CADM2: variants seen among roughly 807,000 people sequenced by gnomAD.
The protein encoded by CADM2 is cell adhesion molecule 2, also known as immunoglobulin superfamily member 4D.
Under a neutral mutation model 49.8 loss-of-function variants are expected in CADM2, and 12 were observed. The ratio of observed to expected loss-of-function variants is 0.24; its 90% CI spans 0.15 to 0.39. The LOEUF is 0.39. Among genes scored for constraint, CADM2 ranks in the 10% least tolerant of loss-of-function variants. The pLI, the probability that CADM2 is intolerant of heterozygous loss-of-function variation, is 1.00. For synonymous variants in CADM2, 214 were observed against 175.4 expected, an observed-to-expected ratio of 1.22 and a Z score of -1.74; for missense variants, 378 against 492.3, an observed-to-expected ratio of 0.77 and a Z score of 2.20.
chr3:85,922,171 CCTCTTTCCCCTTCTTT>C (rs1319001280), intron 6 of CADM2, among the ~76,000 whole-genome samples: 1 of 151,550 alleles, frequency 6.6e-6, no homozygotes, highest in African/African-American at 2.4e-5. Flanking sequence ...CTCCTTTCTT[CCTCTTTCCCCTTCTTT>C]CTCTTTCCTT....
intron 3 of CADM2, among the ~76,000 whole-genome samples, chr3:85,855,992 G>T (rs537173354): frequency 6.6e-6 from 1 of 152,088 alleles, no homozygotes; most frequent in Non-Finnish European, 1.5e-5. Flanking sequence ...AATCAATGCA[G>T]CATTGCATTA....
intron 1 of CADM2, among the ~76,000 whole-genome samples, chr3:85,459,757 C>A (rs903929250): frequency 2.0e-5 from 3 of 152,100 alleles, no homozygotes; most frequent in Non-Finnish European, 1.5e-5. Flanking sequence ...CATGGCTTGC[C>A]TTTTGAAGCG....
chr3:85,778,351 T>C (rs1334802605), intron 2 of CADM2, among the ~76,000 whole-genome samples: 1 of 152,150 alleles, frequency 6.6e-6, no homozygotes, highest in Admixed American at 6.5e-5. Context: ...ATAACTTACA[T>C]GGTTTGGCTC....
At chr3:85,971,594 T>G (rs1559775071) in intron 8 of CADM2, among the ~76,000 whole-genome samples, 1 of 151,738 alleles carries the variant, frequency 6.6e-6, no homozygotes, top group Non-Finnish European at 1.5e-5. Flanking sequence ...TCACAGAACT[T>G]AAAGTATTGG....
chr3:85,710,448 T>C (rs2067084298), intron 1 of CADM2, among the ~76,000 whole-genome samples: 1 of 152,184 alleles, frequency 6.6e-6, no homozygotes, highest in Non-Finnish European at 1.5e-5. Flanking sequence ...TAATTTATAG[T>C]GCATGTTAAA....
intron 1 of CADM2, among the ~76,000 whole-genome samples, chr3:85,630,054 C>A (rs577582871): frequency 4.0e-5 from 6 of 151,886 alleles, no homozygotes; most frequent in Non-Finnish European, 8.8e-5. Flanking sequence ...GGTAGTAAAA[C>A]AGGTGTAATA....
chr3:85,321,789 G>C (rs1359368178), intron 1 of CADM2, among the ~76,000 whole-genome samples: 1 of 152,068 alleles, frequency 6.6e-6, no homozygotes, highest in Non-Finnish European at 1.5e-5. Context: ...CAGATTAATA[G>C]GCACTAAATA....
chr3:85,158,949 A>G (rs917552659), intron 1 of CADM2, among the ~76,000 whole-genome samples: 18 of 152,110 alleles, frequency 1.2e-4, no homozygotes, highest in African/African-American at 3.9e-4. Context: ...TTGCATATAT[A>G]TGTTGACGTC....
intron 8 of CADM2, among the ~76,000 whole-genome samples, chr3:86,024,503 T>A (rs6804056): frequency 0.098 from 14,861 of 152,200 alleles, 1,695 homozygotes; most frequent in African/African-American, 0.27. Context: ...GTTGAAATTA[T>A]CTCAGGCCTG....
chr3:85,854,406 A>G (rs560716630), intron 3 of CADM2, among the ~76,000 whole-genome samples: 18 of 152,306 alleles, frequency 1.2e-4, no homozygotes, highest in African/African-American at 4.3e-4. Flanking sequence ...TAGACTGGAT[A>G]AAGAAAATGT....
intron 1 of CADM2, among the ~76,000 whole-genome samples, chr3:85,552,962 C>CCT (rs1208830499): frequency 6.6e-6 from 1 of 152,124 alleles, no homozygotes; most frequent in African/African-American, 2.4e-5. Context: ...CAGGTGTGAG[C>CCT]CTCCAGTCCT....
intron 1 of CADM2, among the ~76,000 whole-genome samples, chr3:85,667,990 C>G (rs2065622113): frequency 6.6e-6 from 1 of 151,926 alleles, no homozygotes; most frequent in African/African-American, 2.4e-5. Context: ...CTAATTTAAC[C>G]TAAATACATA....
At chr3:85,174,381 A>G (rs1228151261) in intron 1 of CADM2, among the ~76,000 whole-genome samples, 1 of 152,000 alleles carries the variant, frequency 6.6e-6, no homozygotes, top group Non-Finnish European at 1.5e-5. Context: ...AACCCCCAGA[A>G]AATTGAGATT....
chr3:85,291,777 T>C (rs1160091082), intron 1 of CADM2, among the ~76,000 whole-genome samples: 1 of 146,186 alleles, frequency 6.8e-6, no homozygotes, highest in Non-Finnish European at 1.5e-5. Flanking sequence ...CTAAAAGAGC[T>C]CCTGAAGGAA....
chr3:86,059,372 C>T (rs1168892431), intron 8 of CADM2, among the ~76,000 whole-genome samples: 2 of 152,062 alleles, frequency 1.3e-5, no homozygotes, highest in Non-Finnish European at 2.9e-5. Flanking sequence ...AATTACTGAA[C>T]TTAGGTATTA....
chr3:85,187,437 T>G (rs2041091227), intron 1 of CADM2, among the ~76,000 whole-genome samples: 2 of 152,110 alleles, frequency 1.3e-5, no homozygotes, highest in African/African-American at 4.8e-5. Flanking sequence ...AAGAAACATC[T>G]CCTCATAAGT....
chr3:85,500,602 C>T (rs1017749028), intron 1 of CADM2, among the ~76,000 whole-genome samples: 2 of 151,658 alleles, frequency 1.3e-5, no homozygotes, highest in Admixed American at 1.3e-4. Context: ...ACTGCAAGCT[C>T]CCTCTCCAGG....
At chr3:85,642,392 T>C (rs1012573276) in intron 1 of CADM2, among the ~76,000 whole-genome samples, 7 of 152,054 alleles carry the variant, frequency 4.6e-5, no homozygotes, top group Admixed American at 3.9e-4. Flanking sequence ...AAGTATTTTA[T>C]GGAGAAAATA....
intron 1 of CADM2, among the ~76,000 whole-genome samples, chr3:85,283,668 T>A (rs2043558872): frequency 6.6e-6 from 1 of 152,096 alleles, no homozygotes; most frequent in South Asian, 2.1e-4. Context: ...TCTTTAAGTG[T>A]GAGATGATTG....
Sources: gnomAD v4.1 joint callset for allele counts (sites outside exome capture counted in the v4.1 genomes callset) on GRCh38, gnomAD v4.1.1 for gene constraint, MANE v1.5 for transcripts, NCBI Gene and HGNC (gene_info 2026-07-23, HGNC 2026-07-21) for gene names.